PTBP2: variants seen among roughly 807,000 people sequenced by gnomAD.
PTBP2 encodes the protein polypyrimidine tract-binding protein 2.
In PTBP2, 13 loss-of-function variants were observed where a neutral mutation model predicts 61.4. The ratio of observed to expected loss-of-function variants is 0.21; its 90% confidence interval spans 0.14 to 0.34. The LOEUF (loss-of-function observed/expected upper bound fraction) is 0.34. Ranked by LOEUF, PTBP2 falls within the 10% of genes least tolerant of loss-of-function variation. The probability of loss-of-function intolerance (pLI) is 1.00; values close to 1 mark genes in which losing one functional copy is unlikely to be tolerated. For missense variants in PTBP2, 405 were observed against 642.6 expected (o/e 0.63, Z 4.00); for synonymous variants, 215 against 218.5 (o/e 0.98, Z 0.14).
At chr1:96,749,080 G>A (rs1654203868) in intron 2 of PTBP2, among the ~76,000 whole-genome samples, 1 of 151,898 alleles carries the variant, frequency 6.6e-6, no homozygotes. Flanking sequence ...ATTTGAGGAA[G>A]AAAAAAGTTC....
chr1:96,776,473 G>A (rs1658060010), intron 5 of PTBP2, among the ~76,000 whole-genome samples: 1 of 151,816 alleles, frequency 6.6e-6, no homozygotes, highest in African/African-American at 2.4e-5. Context: ...ATATATATCT[G>A]GACTCTCAAG....
At chr1:96,763,439 G>A (rs181778650) in intron 3 of PTBP2, among the ~76,000 whole-genome samples, 3,005 of 151,528 alleles carry the variant, frequency 0.02, 108 homozygotes, top group African/African-American at 0.068. Context: ...CCAGTCAGGC[G>A]TGGCGGCGCG....
intron 5 of PTBP2, 51 bp from the exon 6 acceptor site, chr1:96,777,534 G>A (rs1300172266): frequency 6.6e-7 from 1 of 1,515,286 alleles, no homozygotes; most frequent in Non-Finnish European, 8.9e-7. Context: ...AGGTTGCAAA[G>A]TATGTGACAA....
intron 7 of PTBP2, among the ~76,000 whole-genome samples, chr1:96,783,577 T>A (rs1274020428): frequency 6.6e-6 from 1 of 152,058 alleles, no homozygotes; most frequent in African/African-American, 2.4e-5. Flanking sequence ...AACCCAGCTC[T>A]TTTCTCATAA....
intron 2 of PTBP2, among the ~76,000 whole-genome samples, chr1:96,728,224 C>T (rs1027101040): frequency 6.6e-6 from 1 of 152,232 alleles, no homozygotes; most frequent in Non-Finnish European, 1.5e-5. Flanking sequence ...TGGCCTCAAG[C>T]GATCTTTCTG....
intron 3 of PTBP2, among the ~76,000 whole-genome samples, chr1:96,766,012 C>G (rs1278424958): frequency 6.6e-6 from 1 of 152,074 alleles, no homozygotes; most frequent in African/African-American, 2.4e-5. Flanking sequence ...TACCCATGAT[C>G]CTTGCCGACA....
At chr1:96,772,421 G>T (rs1176066570) in intron 5 of PTBP2, among the ~76,000 whole-genome samples, 1 of 152,098 alleles carries the variant, frequency 6.6e-6, no homozygotes, top group Non-Finnish European at 1.5e-5. Context: ...TTGTATGCCA[G>T]GAAATGGGGT....
At chr1:96,724,782 A>AC (rs1650156390) in intron 2 of PTBP2, among the ~76,000 whole-genome samples, 1 of 152,020 alleles carries the variant, frequency 6.6e-6, no homozygotes, top group Non-Finnish European at 1.5e-5. Context: ...GGTGCAGCAC[A>AC]CCAACATGGC....
chr1:96,759,171 A>AT (rs1655502779), intron 3 of PTBP2, among the ~76,000 whole-genome samples: 1 of 152,210 alleles, frequency 6.6e-6, no homozygotes, highest in Admixed American at 6.5e-5. Flanking sequence ...ATGTTCATGA[A>AT]TTAGAAGGCT....
intron 3 of PTBP2, among the ~76,000 whole-genome samples, chr1:96,753,964 G>A (rs924258400): frequency 4.6e-5 from 7 of 152,018 alleles, no homozygotes; most frequent in Non-Finnish European, 1.0e-4. Flanking sequence ...GAGAATGTGG[G>A]GGAATAAAAC....
intron 5 of PTBP2, among the ~76,000 whole-genome samples, chr1:96,776,781 A>G (rs868158829): frequency 4.0e-5 from 6 of 151,382 alleles, no homozygotes; most frequent in African/African-American, 9.7e-5. Context: ...AGCATTTAAC[A>G]TAATATTTGA....
chr1:96,770,295 A>G lies in PTBP2; in HGVS notation c.289-413A>G, dbSNP rs188475616. On this transcript the variant is annotated intron_variant, in intron 4 of 13. Coordinates refer to ENST00000674951, the MANE Select transcript of PTBP2 (RefSeq NM_021190.4). ...TATGAAATTTAACACTCCCTTTTAT[A>G]TACTTGAGGTTAATCTGACATTTAA... Among the ~76,000 whole-genome samples the G allele has an allele frequency of 2.2e-3, 339 of 152,164 alleles. 3 individuals are homozygous for G. The highest frequency in any genetic ancestry group is 7.8e-3 in the African/African-American group (324 of 41,548).
intron 5 of PTBP2, among the ~76,000 whole-genome samples, chr1:96,773,960 C>T (rs1290457920): frequency 8.7e-6 from 1 of 114,340 alleles, no homozygotes; most frequent in African/African-American, 3.0e-5. Context: ...GAGACTCTGT[C>T]TCAAAAAAAA....
At chr1:96,732,000 TG>T (rs1651486078) in intron 2 of PTBP2, among the ~76,000 whole-genome samples, 1 of 152,180 alleles carries the variant, frequency 6.6e-6, no homozygotes, top group East Asian at 1.9e-4. Flanking sequence ...ATTTTAAGTA[TG>T]GTGAAATTTG....
At chr1:96,724,563 C>A (rs1650109627) in intron 2 of PTBP2, among the ~76,000 whole-genome samples, 1 of 151,934 alleles carries the variant, frequency 6.6e-6, no homozygotes, top group Non-Finnish European at 1.5e-5. Flanking sequence ...CCGTGCCCGG[C>A]CTGTATTGTC....
chr1:96,777,686 T>C lies in PTBP2; in HGVS notation c.534T>C (p.Ser178=), dbSNP rs1275099672. ...AGAGTGCAGTGACTCCAGCCCAGAGTCCAGTACTTAGAATAATTATTGACA... is the reference window on the plus strand; with the variant it reads ...AGAGTGCAGTGACTCCAGCCCAGAGCCCAGTACTTAGAATAATTATTGACA... ...VSESAVTPAQ[S]PVLRIIIDNM... The change falls in exon 6 of 14, where the codon AGT becomes AGC. Residue 178 remains serine (S), a synonymous_variant. Transcript: ENST00000674951. The C allele has an allele frequency of 6.2e-7, 1 of 1,612,968 alleles. No individual in the cohort carries two copies. Among genetic ancestry groups the C allele is most frequent in the Non-Finnish European group, 8.5e-7 (1 of 1,179,344 alleles).
In PTBP2 at chr1:96,813,013, CATTCAATTTTCCT is replaced by C; in HGVS notation, c.1389-14_1389-2del. Reference sequence around the variant, plus strand: ...ATTCTTAATCTTCACTTTTTCTTCCCATTCAATTTTCCTAGTCCATCAGTAGCAGAAGAGGATC... The same window carrying C: ...ATTCTTAATCTTCACTTTTTCTTCCCAGTCCATCAGTAGCAGAAGAGGATC... On this transcript the variant is annotated splice_region_variant and splice_polypyrimidine_tract_variant and intron_variant, in intron 12 of 13. Transcript: ENST00000674951. The C allele has an allele frequency of 2.5e-6, 4 of 1,605,586 alleles. No individual in the cohort carries two copies. Among genetic ancestry groups the C allele is most frequent in the Non-Finnish European group, 3.4e-6 (4 of 1,172,756 alleles).
intron 3 of PTBP2, among the ~76,000 whole-genome samples, chr1:96,760,654 C>T (rs1193699411): frequency 1.3e-5 from 2 of 151,898 alleles, no homozygotes; most frequent in East Asian, 3.9e-4. Context: ...GCCATGTTGG[C>T]CAGGATGGTC....
chr1:96,822,094 A>C (rs1662701227), exon 14 of PTBP2: 1 of 152,172 alleles, frequency 6.6e-6, no homozygotes, highest in South Asian at 2.1e-4. Context: ...CTTTTGCACC[A>C]ACCTAAATAA....
Sources: gnomAD v4.1 joint callset for allele counts (sites outside exome capture counted in the v4.1 genomes callset) on GRCh38, gnomAD v4.1.1 for gene constraint, MANE v1.5 for transcripts, NCBI Gene and HGNC (gene_info 2026-07-23, HGNC 2026-07-21) for gene names.